Variants in PCDHGB5 observed in about 807,000 individuals in gnomAD.
PCDHGB5 encodes protocadherin gamma subfamily B, 5.
Under a neutral mutation model 62.9 loss-of-function variants are expected in PCDHGB5, and 48 were observed. The ratio of observed to expected loss-of-function variants is 0.76; its 90% CI spans 0.61 to 0.97. The LOEUF is 0.97. Ranked by LOEUF, PCDHGB5 falls within the 50% of genes least tolerant of loss-of-function variation. The probability of loss-of-function intolerance (pLI) is 0.00; values close to 1 mark genes in which losing one functional copy is unlikely to be tolerated. For synonymous variants in PCDHGB5, 474 were observed against 511.2 expected, an observed-to-expected ratio of 0.93 and a Z score of 0.98; for missense variants, 1,118 against 1,198.6, an observed-to-expected ratio of 0.93 and a Z score of 0.99.
At chr5:141,456,341 C>G (rs950158154) in intron 1 of PCDHGB5, among the ~76,000 whole-genome samples, 4 of 152,034 alleles carry the variant, frequency 2.6e-5, no homozygotes, top group Admixed American at 1.3e-4. Context: ...TAAGGGTCCT[C>G]GGAAGAATGG....
chr5:141,407,027 CT>C (rs1297630291), intron 1 of PCDHGB5, among the ~76,000 whole-genome samples: 1 of 152,128 alleles, frequency 6.6e-6, no homozygotes, highest in Non-Finnish European at 1.5e-5. Context: ...AAATTCTATG[CT>C]AAACATGTGA....
intron 2 of PCDHGB5, among the ~76,000 whole-genome samples, chr5:141,498,963 GGGAGGGAGGGAAGGAAGGAA>G (rs1472475865): frequency 5.7e-4 from 74 of 129,970 alleles, no homozygotes; most frequent in Non-Finnish European, 2.6e-4. Flanking sequence ...GAGAGAGGGA[GGGAGGGAGGGAAGGAAGGAA>G]GGAAGGAAGG....
At chr5:141,441,848 T>C (rs1034278597) in intron 1 of PCDHGB5, 2 of 356,906 alleles carry the variant, frequency 5.6e-6, no homozygotes, top group South Asian at 2.4e-5. Context: ...CTCTTGGATA[T>C]GGTGCTGCAC....
intron 1 of PCDHGB5, among the ~76,000 whole-genome samples, chr5:141,472,516 G>T (rs545962540): frequency 2.0e-5 from 3 of 152,072 alleles, no homozygotes; most frequent in Non-Finnish European, 4.4e-5. Flanking sequence ...CTCCAGCCTG[G>T]GTGACAGAGT....
chr5:141,460,553 C>A (rs2098991893), intron 1 of PCDHGB5, among the ~76,000 whole-genome samples: 1 of 152,032 alleles, frequency 6.6e-6, no homozygotes. Context: ...AATCAAAAAT[C>A]ATTTGGCCAT....
In PCDHGB5 at chr5:141,448,771, T is replaced by C. The variant is rs564309379; in HGVS notation, c.2398-46036T>C. Among the ~76,000 whole-genome samples the C allele has an allele frequency of 6.6e-4, 100 of 151,738 alleles. 1 individual carries two copies. The highest frequency in any genetic ancestry group is 6.8e-3 in the Middle Eastern group (2 of 294). On this transcript the variant is annotated intron_variant, in intron 1 of 3. Coordinates refer to ENST00000617380, the MANE Select transcript of PCDHGB5 (RefSeq NM_018925.3). ...CTGGCTAACACGGTGAAACCCCGTCTGTACTAAAAATACAAAAAAAAAAAT... is the reference window on the plus strand; with the variant it reads ...CTGGCTAACACGGTGAAACCCCGTCCGTACTAAAAATACAAAAAAAAAAAT...
At chr5:141,439,947 T>C (rs2098140958) in intron 1 of PCDHGB5, 1 of 152,516 alleles carries the variant, frequency 6.6e-6, no homozygotes, top group Non-Finnish European at 1.5e-5. Flanking sequence ...TTCTCTATGA[T>C]GCAGATCCGT....
Position 141,431,535 on chromosome 5 carries a change from C to T in PCDHGB5, c.2397+31011C>T. On this transcript the variant is annotated intron_variant, in intron 1 of 3. Coordinates refer to ENST00000617380, the MANE Select transcript of PCDHGB5 (RefSeq NM_018925.3). This position sits in a 1 kb window ranked among gnomAD's most constrained non-coding sequence, Gnocchi z 4.8. ...GTTCCGGAGAATCTGGCCTTGGGCA[C>T]GCAGCTGCTTGTAGTCAACGCTACC... is the stretch of plus-strand genomic sequence containing the variant. 3 of 1,614,076 alleles carry T rather than the reference C, an allele frequency of 1.9e-6. No individual in the cohort carries two copies. Among genetic ancestry groups the T allele is most frequent in the Non-Finnish European group, 2.5e-6 (3 of 1,180,038 alleles).
chr5:141,423,358 G>T (rs202010010), intron 1 of PCDHGB5: 1 of 1,614,196 alleles, frequency 6.2e-7, no homozygotes, highest in South Asian at 1.1e-5. Flanking sequence ...CTTTGTCATC[G>T]TGCTGCTGGC....
At position 141,488,726 on chromosome 5, in the gene PCDHGB5, G is replaced by A. The variant is rs1562126303; in HGVS notation, c.2398-6081G>A. 2.0e-5 allele frequency among the ~76,000 whole-genome samples: 3 copies of A among 152,194 alleles called. No homozygotes were observed. The South Asian group carries it at 6.2e-4, about 32-fold the overall frequency. ...TGCTGGTTCAAGCAAAGTGGTGGAA[G>A]CTTCTGAAGTCATGCAGGAAGTTGC... On this transcript the variant is annotated intron_variant, in intron 1 of 3. Transcript: ENST00000617380.
At chr5:141,450,627 C>T (rs947866993) in intron 1 of PCDHGB5, among the ~76,000 whole-genome samples, 13 of 151,592 alleles carry the variant, frequency 8.6e-5, no homozygotes, top group African/African-American at 3.2e-4. Context: ...GCTGGGATTA[C>T]AGATGCCTGC....
At chr5:141,418,326 C>T (rs1398536611) in intron 1 of PCDHGB5, 2 of 1,613,986 alleles carry the variant, frequency 1.2e-6, no homozygotes, top group Non-Finnish European at 1.7e-6. Context: ...ATTCTTGAGT[C>T]TGCAGAAGAT....
At chr5:141,415,176 C>A in intron 1 of PCDHGB5, 2 of 1,613,934 alleles carry the variant, frequency 1.2e-6, no homozygotes, top group Non-Finnish European at 1.7e-6. Context: ...TCACCGTGGC[C>A]GTGGCCGACA....
chr5:141,404,116 G>A (rs751598967), intron 1 of PCDHGB5: 1 of 1,613,478 alleles, frequency 6.2e-7, no homozygotes, highest in East Asian at 2.2e-5. Flanking sequence ...CTATCCAGGA[G>A]AATCTATCTT....
chr5:141,419,566 C>T (rs765992004), intron 1 of PCDHGB5: 4 of 1,611,790 alleles, frequency 2.5e-6, no homozygotes, highest in East Asian at 2.2e-5. Flanking sequence ...CGCTGGGTCC[C>T]GACGGCTCCG....
chr5:141,427,222 A>G (rs536161247), intron 1 of PCDHGB5: 1 of 456,774 alleles, frequency 2.2e-6, no homozygotes, highest in South Asian at 1.5e-5. Flanking sequence ...CGTAGCAGTT[A>G]TACCATGAGA....
At chr5:141,425,524 G>C (rs2096881323) in intron 1 of PCDHGB5, among the ~76,000 whole-genome samples, 1 of 152,184 alleles carries the variant, frequency 6.6e-6, no homozygotes, top group Non-Finnish European at 1.5e-5. Context: ...GATGAAACAT[G>C]AAACAATAAT....
intron 2 of PCDHGB5, among the ~76,000 whole-genome samples, chr5:141,500,939 G>T (rs2099804123): frequency 6.6e-6 from 1 of 151,680 alleles, no homozygotes; most frequent in South Asian, 2.1e-4. Context: ...CGCCATCTCG[G>T]CTCACTGCAA....
chr5:141,405,461 C>T, intron 1 of PCDHGB5: 1 of 1,220,756 alleles, frequency 8.2e-7, no homozygotes, highest in Non-Finnish European at 1.1e-6. Context: ...ACTCTGTTAC[C>T]CAGGCTGGAA....
Sources: gnomAD v4.1 joint callset for allele counts (sites outside exome capture counted in the v4.1 genomes callset) on GRCh38, gnomAD v4.1.1 for gene constraint, Gnocchi (gnomAD v3.1) non-coding constraint, MANE v1.5 for transcripts, NCBI Gene and HGNC (gene_info 2026-07-23, HGNC 2026-07-21) for gene names.